Variants in PALD1 observed in about 807,000 individuals in gnomAD.
PALD1 encodes phosphatase domain containing paladin 1, also known as paladin.
PALD1 carries 57 observed loss-of-function variants against 96.0 expected under a neutral mutation model. The ratio of observed to expected loss-of-function variants is 0.59; its 90% CI spans 0.48 to 0.74. The LOEUF (loss-of-function observed/expected upper bound fraction) is 0.74, where lower values mean the gene tolerates loss of function less well. Ranked by LOEUF, PALD1 falls within the 30% of genes least tolerant of loss-of-function variation. PALD1 has a pLI of 0.00. For missense variants in PALD1, 1,063 were observed against 1,143.7 expected, an observed-to-expected ratio of 0.93 and a Z score of 1.02; for synonymous variants, 464 against 473.6, an observed-to-expected ratio of 0.98 and a Z score of 0.26.
chr10:70,498,008 T>A (rs35591843), intron 1 of PALD1, among the ~76,000 whole-genome samples: 55,543 of 151,776 alleles, frequency 0.37, 11,851 homozygotes, highest in Non-Finnish European at 0.49. Context: ...TGTGCACCCA[T>A]CACCACCATC....
chr10:70,547,211 C>T (rs3824764), intron 17 of PALD1, 95 bp from the exon 18 acceptor site: 293,225 of 1,123,654 alleles, frequency 0.26, 40,063 homozygotes, highest in African/African-American at 0.36. Context: ...GGGCCTTAGG[C>T]CTGGTGTGGC....
At chr10:70,545,644 G>T (rs1847347039) in intron 17 of PALD1, among the ~76,000 whole-genome samples, 2 of 151,666 alleles carry the variant, frequency 1.3e-5, no homozygotes, top group South Asian at 4.2e-4. Flanking sequence ...CACTATGTTG[G>T]CCAGGTTGGT....
chr10:70,534,900 T>A, intron 10 of PALD1, 57 bp downstream of exon 10: 2 of 1,148,570 alleles, frequency 1.7e-6, no homozygotes, highest in South Asian at 1.3e-5. Flanking sequence ...TGCAGCCTGA[T>A]TTCATTAGGC....
intron 18 of PALD1, 76 bp from the exon 19 acceptor site, chr10:70,564,288 G>T: frequency 6.8e-7 from 1 of 1,466,386 alleles, no homozygotes; most frequent in Admixed American, 2.0e-5. Context: ...TGGCACTCAG[G>T]GCAGCAGGGT....
chr10:70,521,499 G>A (rs1404587008), intron 1 of PALD1, among the ~76,000 whole-genome samples: 1 of 152,072 alleles, frequency 6.6e-6, no homozygotes, highest in Non-Finnish European at 1.5e-5. Flanking sequence ...GTGTTTGTGG[G>A]TGGGGAATGT....
At chr10:70,472,862 T>C in the PALD1 span, among the ~76,000 whole-genome samples, 2 of 152,178 alleles carry the variant, frequency 1.3e-5, no homozygotes, top group Non-Finnish European at 2.9e-5. Context: ...TCTTCTGATG[T>C]TGATAACCAC....
intron 1 of PALD1, among the ~76,000 whole-genome samples, chr10:70,502,680 A>G (rs1846321715): frequency 1.3e-5 from 2 of 152,204 alleles, no homozygotes; most frequent in South Asian, 4.1e-4. Context: ...AGCAAATACT[A>G]CATGGTTCCA....
chr10:70,527,493 C>A (rs1266236421), intron 2 of PALD1, among the ~76,000 whole-genome samples: 2 of 152,202 alleles, frequency 1.3e-5, no homozygotes, highest in African/African-American at 4.8e-5. Flanking sequence ...CACTTCCTTT[C>A]ACTTACATAG....
Position 70,529,302 on chromosome 10 carries a change from G to A in PALD1, c.259G>A (p.Asp87Asn). 1.3e-6 allele frequency: 2 copies of A among 1,569,522 alleles called. No individual in the cohort carries two copies. The highest frequency in any genetic ancestry group is 1.4e-5 in the African/African-American group (1 of 72,278). ...KAHYTLGRLS[D>N]NTPEHYLVQG... ...TCATTACACGTTGGGCCGGCTCTCG[G>A]ACAACACCCCTGAGCACTACCTGGT... The change falls in exon 3 of 20, where the codon GAC (aspartate) becomes AAC (asparagine). Residue 87 changes from aspartate to asparagine, a missense_variant. By Grantham distance (23) the Asp-to-Asn change is conservative. Transcript: ENST00000263563.
chr10:70,529,036 C>T (rs1846930592), intron 2 of PALD1, among the ~76,000 whole-genome samples, 193 bp from the exon 3 acceptor site: 1 of 152,094 alleles, frequency 6.6e-6, no homozygotes, highest in Admixed American at 6.6e-5. Context: ...GTGGCTCAGT[C>T]CTCAGTCACA....
chr10:70,554,588 C>T (rs182374939), intron 18 of PALD1, among the ~76,000 whole-genome samples: 549 of 152,250 alleles, frequency 3.6e-3, no homozygotes, highest in African/African-American at 0.013. Flanking sequence ...ACACCCGCAG[C>T]AGACTTCGTT....
chr10:70,491,417 G>GTT (rs1453263374), intron 1 of PALD1, among the ~76,000 whole-genome samples: 1 of 121,692 alleles, frequency 8.2e-6, no homozygotes, highest in East Asian at 2.3e-4. Flanking sequence ...CTCCCCACCT[G>GTT]CTTTTTTTTT....
At chr10:70,549,630 G>T (rs879858327) in intron 18 of PALD1, among the ~76,000 whole-genome samples, 2 of 152,268 alleles carry the variant, frequency 1.3e-5, no homozygotes, top group Non-Finnish European at 2.9e-5. Flanking sequence ...GGGCCGAAAG[G>T]TGCAAAACGA....
intron 1 of PALD1, among the ~76,000 whole-genome samples, chr10:70,483,467 A>G (rs967576690): frequency 1.2e-4 from 18 of 152,028 alleles, no homozygotes; most frequent in African/African-American, 4.1e-4. Context: ...GCTCCCAGGG[A>G]GCTGGGGCTT....
chr10:70,536,451 G>A (rs1302717532), intron 10 of PALD1, among the ~76,000 whole-genome samples: 1 of 152,170 alleles, frequency 6.6e-6, no homozygotes. Context: ...CCCCATCAGT[G>A]TAAATACTTC....
rs548242645 is a variant in PALD1, at chr10:70,486,762, A to AAAAAC, written c.-30+7723_-30+7727dup. Among the ~76,000 whole-genome samples the AAAAAC allele has an allele frequency of 5.6e-3, 855 of 152,234 alleles. 5 individuals carry two copies. Among genetic ancestry groups the AAAAAC allele is most frequent in the South Asian group, 0.021 (101 of 4,812 alleles). On this transcript the variant is annotated intron_variant, in intron 1 of 19. Transcript: ENST00000263563. ...GGCAACAGAGTGAGATTCTGTCTCA[A>AAAAAC]AAAACAAAACAAAACAAAACAAAAA... is the stretch of plus-strand genomic sequence containing the variant.
At chr10:70,508,841 A>G (rs1329842809) in intron 1 of PALD1, among the ~76,000 whole-genome samples, 4 of 23,086 alleles carry the variant, frequency 1.7e-4, no homozygotes, top group African/African-American at 2.0e-4. Context: ...GAGCTGCGGA[A>G]CCTGTGTGTG....
rs3740443 is a variant in PALD1, at chr10:70,567,138, G to T, written c.*405G>T. 33,999 of 172,398 alleles carry T rather than the reference G, an allele frequency of 0.2. 4,066 individuals are homozygous for T. Among genetic ancestry groups the T allele is most frequent in the Admixed American group, 0.37 (5,838 of 15,744 alleles). 10.7% of individuals were successfully genotyped at this position (172,398 alleles called of 1,614,324 possible). ...GCAGCCCCTGGCACAGAGCAGACCCGGCCACTGGTAGCTCCCCACTTCCTT... is the reference window on the plus strand; with the variant it reads ...GCAGCCCCTGGCACAGAGCAGACCCTGCCACTGGTAGCTCCCCACTTCCTT... On this transcript the variant is annotated 3_prime_UTR_variant, in exon 20 of 20. Coordinates refer to ENST00000263563, the MANE Select transcript of PALD1 (RefSeq NM_014431.3).
chr10:70,532,360 C>T (rs1049768622), intron 5 of PALD1, among the ~76,000 whole-genome samples: 4 of 152,246 alleles, frequency 2.6e-5, no homozygotes, highest in African/African-American at 9.6e-5. Flanking sequence ...ACACCTCCCC[C>T]GTCCTGGCAC....
Sources: gnomAD v4.1 joint callset for allele counts (sites outside exome capture counted in the v4.1 genomes callset) on GRCh38, gnomAD v4.1.1 for gene constraint, MANE v1.5 for transcripts, NCBI Gene and HGNC (gene_info 2026-07-23, HGNC 2026-07-21) for gene names.